The following UVRAG variants were observed in gnomAD, a reference collection of about 807,000 sequenced individuals.
The protein encoded by UVRAG is UV radiation resistance associated, also known as UV radiation resistance-associated gene protein.
A neutral mutation model predicts 78.0 loss-of-function variants in UVRAG; 19 were observed. The ratio of observed to expected loss-of-function variants is 0.24; its 90% CI spans 0.17 to 0.36. UVRAG has a LOEUF of 0.36. UVRAG is among the 10% of genes least tolerant of loss of function. UVRAG has a pLI of 1.00. For synonymous variants in UVRAG, 323 were observed against 324.6 expected (o/e 1.00, Z 0.05); for missense variants, 740 against 853.8 (o/e 0.87, Z 1.66).
intron 13 of UVRAG, among the ~76,000 whole-genome samples, chr11:76,094,892 G>T (rs1951762523): frequency 6.6e-6 from 1 of 152,124 alleles, no homozygotes; most frequent in African/African-American, 2.4e-5. Flanking sequence ...GGGAACACCT[G>T]ACATCATTCT....
chr11:75,843,956 C>G (rs961746735), intron 1 of UVRAG, among the ~76,000 whole-genome samples: 5 of 124,956 alleles, frequency 4.0e-5, no homozygotes, highest in Non-Finnish European at 6.4e-5. Flanking sequence ...AAGACGCCAT[C>G]TAAAAAAAAA....
chr11:76,100,879 G>A (rs530558511), intron 13 of UVRAG, among the ~76,000 whole-genome samples: 24 of 152,140 alleles, frequency 1.6e-4, no homozygotes, highest in African/African-American at 5.5e-4. Context: ...CTCATCCTGC[G>A]TTAGTTTGCC....
At chr11:76,002,165 G>A (rs1349788859) in intron 8 of UVRAG, among the ~76,000 whole-genome samples, 3 of 152,052 alleles carry the variant, frequency 2.0e-5, no homozygotes, top group African/African-American at 7.2e-5. Context: ...ATTTTGAAGT[G>A]ACTTTTAGAA....
At chr11:75,953,536 C>T (rs1018863890) in intron 6 of UVRAG, among the ~76,000 whole-genome samples, 3 of 152,086 alleles carry the variant, frequency 2.0e-5, no homozygotes, top group Non-Finnish European at 2.9e-5. Flanking sequence ...TGTAGGTATT[C>T]TAATTTGTCA....
chr11:76,125,391 G>A (rs1235775784), intron 14 of UVRAG, among the ~76,000 whole-genome samples: 1 of 152,192 alleles, frequency 6.6e-6, no homozygotes, highest in African/African-American at 2.4e-5. Flanking sequence ...AGGCATATGG[G>A]TATCTGTAGT....
chr11:76,075,847 G>A (rs896553412), intron 13 of UVRAG, among the ~76,000 whole-genome samples: 1 of 152,108 alleles, frequency 6.6e-6, no homozygotes, highest in African/African-American at 2.4e-5. Flanking sequence ...TAAAATATGT[G>A]GTCTTCTGTA....
At position 76,107,032 on chromosome 11, in the gene UVRAG, G is replaced by A. The variant is rs111324922; in HGVS notation, c.1306-8892G>A. 1.7e-3 allele frequency among the ~76,000 whole-genome samples: 255 copies of A among 152,246 alleles called. 5 individuals carry two copies. Among genetic ancestry groups the A allele is most frequent in the African/African-American group, 5.9e-3 (243 of 41,534 alleles). ...CTTTGATTGTTTATTTGCAATGTGC[G>A]TTACTAATCCTCCTTAGCAACTCAC... On this transcript the variant is annotated intron_variant, in intron 13 of 14. Transcript: ENST00000356136.
chr11:75,892,698 A>G (rs1947240985), intron 5 of UVRAG, among the ~76,000 whole-genome samples: 1 of 152,182 alleles, frequency 6.6e-6, no homozygotes, highest in South Asian at 2.1e-4. Context: ...TAAGTTCAGC[A>G]GATCTTGCCC....
Position 75,943,412 on chromosome 11 carries a change from C to A in UVRAG, c.594-18032C>A, listed in dbSNP as rs969349563. 3.3e-5 allele frequency among the ~76,000 whole-genome samples: 5 copies of A among 149,630 alleles called. No homozygotes were observed. In the South Asian group the frequency reaches 6.3e-4, roughly 19 times the overall value. ...TTTGTTTTGTTTATTGTTTCTAATT[C>A]TGAAGTGCTTTTCTGTATACTTCCT... On this transcript the variant is annotated intron_variant, in intron 6 of 14. Coordinates refer to ENST00000356136, the MANE Select transcript of UVRAG (RefSeq NM_003369.4).
At chr11:76,002,385 G>A (rs554773758) in intron 8 of UVRAG, among the ~76,000 whole-genome samples, 9 of 152,194 alleles carry the variant, frequency 5.9e-5, no homozygotes, top group African/African-American at 2.2e-4. Flanking sequence ...ACATTGCAAG[G>A]AGTTTTCTTG....
chr11:76,139,991 T>A (rs7932401), intron 14 of UVRAG, among the ~76,000 whole-genome samples: 133,796 of 144,824 alleles, frequency 0.92, 62,241 homozygotes, highest in Non-Finnish European at 0.98. Context: ...TTTTTCATTT[T>A]AAAAAAAAAA....
intron 6 of UVRAG, among the ~76,000 whole-genome samples, chr11:75,913,595 A>G (rs1176183721): frequency 6.6e-6 from 1 of 152,222 alleles, no homozygotes; most frequent in African/African-American, 2.4e-5. Flanking sequence ...TTCATGCATC[A>G]GGGATGATAG....
At position 76,048,361 on chromosome 11, in the gene UVRAG, A is replaced by C. The variant is rs574999665; in HGVS notation, c.1227-17349A>C. On this transcript the variant is annotated intron_variant, in intron 12 of 14. Coordinates refer to ENST00000356136, the MANE Select transcript of UVRAG (RefSeq NM_003369.4). ...ATGCAGAACAGGTAAAGATTAGCCCAATAACAAATATGAGGCTATAAAATA... is the reference window on the plus strand; with the variant it reads ...ATGCAGAACAGGTAAAGATTAGCCCCATAACAAATATGAGGCTATAAAATA... Among the ~76,000 whole-genome samples the C allele has an allele frequency of 3.3e-5, 5 of 152,342 alleles. No individual in the cohort carries two copies. In the East Asian group the frequency reaches 7.7e-4, roughly 23 times the overall value.
intron 8 of UVRAG, among the ~76,000 whole-genome samples, chr11:75,992,433 A>G (rs72999586): frequency 6.4e-4 from 98 of 152,290 alleles, no homozygotes; most frequent in Non-Finnish European, 1.1e-3. Context: ...ATTACTTTGT[A>G]TTCCCCTGGA....
chr11:76,003,778 C>T (rs558890008), intron 8 of UVRAG, among the ~76,000 whole-genome samples: 1 of 152,196 alleles, frequency 6.6e-6, no homozygotes, highest in East Asian at 1.9e-4. Flanking sequence ...GGCAGAGAGT[C>T]TTAGGCGTAT....
chr11:76,126,130 A>G (rs1952385782), intron 14 of UVRAG, among the ~76,000 whole-genome samples: 1 of 139,470 alleles, frequency 7.2e-6, no homozygotes, highest in African/African-American at 3.2e-5. Context: ...TTTAGTAGAG[A>G]CGGGGTTTCA....
At chr11:75,826,178 A>T (rs1168009963) in intron 1 of UVRAG, among the ~76,000 whole-genome samples, 1 of 148,378 alleles carries the variant, frequency 6.7e-6, no homozygotes, top group Non-Finnish European at 1.5e-5. Flanking sequence ...TTCTTTTAAG[A>T]CGGAGTCTTG....
intron 3 of UVRAG, among the ~76,000 whole-genome samples, chr11:75,868,894 T>C (rs1332318150): frequency 3.9e-5 from 6 of 152,368 alleles, no homozygotes; most frequent in East Asian, 3.9e-4. Context: ...GGGAGTATAC[T>C]GATAGCTAAT....
intron 1 of UVRAG, among the ~76,000 whole-genome samples, chr11:75,826,293 T>C (rs1945509707): frequency 6.6e-6 from 1 of 152,056 alleles, no homozygotes; most frequent in South Asian, 2.1e-4. Flanking sequence ...GTAGCTGATA[T>C]TACAGGTGCC....
Sources: allele counts gnomAD v4.1 joint callset (sites outside exome capture counted in the v4.1 genomes callset), GRCh38; gene constraint gnomAD v4.1.1; transcripts MANE v1.5; gene names NCBI Gene and HGNC (gene_info 2026-07-23, HGNC 2026-07-21).